The following CCDC13 variants were observed in gnomAD, a reference collection of about 807,000 sequenced individuals.
CCDC13 encodes the protein coiled-coil domain containing 13, also known as coiled-coil domain-containing protein 13.
Under a neutral mutation model 87.3 loss-of-function variants are expected in CCDC13, and 70 were observed. That is an observed-to-expected ratio of 0.80 (90% CI 0.66 to 0.98). CCDC13 has a LOEUF of 0.98. Ranked by LOEUF, CCDC13 falls within the 50% of genes least tolerant of loss-of-function variation. CCDC13 has a pLI of 0.00. For missense variants in CCDC13, 842 were observed against 892.0 expected (o/e 0.94, Z 0.71); for synonymous variants, 317 against 360.3 (o/e 0.88, Z 1.36).
intron 13 of CCDC13, among the ~76,000 whole-genome samples, chr3:42,718,806 C>A (rs1024116494): frequency 2.0e-5 from 3 of 151,950 alleles, no homozygotes. Context: ...GAGGAGAACC[C>A]CCCAACCCAA....
intron 13 of CCDC13, among the ~76,000 whole-genome samples, chr3:42,718,597 C>T (rs1344166529): frequency 6.6e-6 from 1 of 152,148 alleles, no homozygotes; most frequent in African/African-American, 2.4e-5. Flanking sequence ...TAACATCTTT[C>T]TGGTGGCCAC....
chr3:42,708,866 T>G lies in CCDC13; in HGVS notation c.*114A>C. On this transcript the variant is annotated 3_prime_UTR_variant, in exon 16 of 16. Transcript: ENST00000310232. ...AAGGAGCCTCTTCTGGTAGAAGTGG[T>G]TGAGCTGGCTGCCCTGGGCTGGCTT... is the stretch of plus-strand genomic sequence containing the variant. 2 of 1,118,604 alleles carry G rather than the reference T, an allele frequency of 1.8e-6. No homozygotes were observed. The highest frequency in any genetic ancestry group is 2.5e-6 in the Non-Finnish European group (2 of 804,634). 69.3% of individuals were successfully genotyped at this position (1,118,604 alleles called of 1,614,324 possible). A position where few individuals can be genotyped will look rare whatever the true frequency, so the allele number is the denominator to read the frequency against.
chr3:42,718,698 G>A (rs556658484), intron 13 of CCDC13, among the ~76,000 whole-genome samples: 2 of 152,232 alleles, frequency 1.3e-5, no homozygotes, highest in African/African-American at 2.4e-5. Context: ...GACCACGGAA[G>A]CGACTATAGT....
chr3:42,709,747 T>C lies in CCDC13; in HGVS notation c.1925A>G (p.Asp642Gly), dbSNP rs1698259357. 6.2e-7 allele frequency: 1 copy of C among 1,614,112 alleles called. No individual in the cohort carries two copies. The highest frequency in any genetic ancestry group is 8.5e-7 in the Non-Finnish European group (1 of 1,179,998). The change falls in exon 15 of 16, where the codon GAC becomes GGC. Residue 642 changes from aspartate to glycine, a missense_variant. Coordinates refer to ENST00000310232, the MANE Select transcript of CCDC13 (RefSeq NM_144719.4). The stretch of plus-strand genomic sequence containing the variant: ...ATCGGAGAGCTGGGCAAAGGATGGG[T>C]CCTTCTTCTCGCTCCCGGTTGGGTT... Reference protein sequence around the residue: ...RHNPTGSEKKDPSFAQLSDVP... With the variant: ...RHNPTGSEKKGPSFAQLSDVP...
At chr3:42,717,401 C>T (rs556227682) in intron 13 of CCDC13, among the ~76,000 whole-genome samples, 3 of 140,302 alleles carry the variant, frequency 2.1e-5, no homozygotes, top group East Asian at 4.2e-4. Context: ...ACTCAAGACT[C>T]GGCAACAAGC....
At chr3:42,767,595 T>G (rs1205273995) in intron 1 of CCDC13, among the ~76,000 whole-genome samples, 1 of 152,162 alleles carries the variant, frequency 6.6e-6, no homozygotes, top group Non-Finnish European at 1.5e-5. Flanking sequence ...ATTCCAAAGT[T>G]TATGTGGAGA....
At chr3:42,766,418 G>A (rs552775593) in intron 1 of CCDC13, among the ~76,000 whole-genome samples, 20 of 152,120 alleles carry the variant, frequency 1.3e-4, no homozygotes, top group South Asian at 1.0e-3. Context: ...ACAGCCTGAC[G>A]GGTTCATCTT....
At chr3:42,723,870 A>G (rs184927743) in intron 13 of CCDC13, among the ~76,000 whole-genome samples, 20 of 152,360 alleles carry the variant, frequency 1.3e-4, no homozygotes, top group Admixed American at 1.2e-3. Context: ...CCATAAAAGG[A>G]AAACGTACTG....
At chr3:42,730,426 A>C (rs748337433) in intron 13 of CCDC13, 41 bp downstream of exon 13, 7 of 1,598,944 alleles carry the variant, frequency 4.4e-6, no homozygotes, top group Non-Finnish European at 4.3e-6. Flanking sequence ...TCCCCACCAC[A>C]TGCAGGCCTA....
chr3:42,751,470 TA>T (rs1241294636), intron 5 of CCDC13, among the ~76,000 whole-genome samples: 3 of 152,194 alleles, frequency 2.0e-5, no homozygotes, highest in Admixed American at 1.3e-4. Context: ...AAAGTGTTCA[TA>T]ATATGAACTG....
At position 42,735,845 on chromosome 3, in the gene CCDC13, G is replaced by A. The variant is rs780999456; in HGVS notation, c.1233C>T (p.Ser411=). ...TCAGTTGCTGGTCCAGGTGGTGCTG[G>A]GACACTCGCGTTTTCTCCTCCTGCA... ...LSLQEEKTRV[S]QHHLDQQLNS... The change falls in exon 10 of 16, where the codon TCC becomes TCT. Residue 411 remains serine (S), a synonymous_variant. Transcript: ENST00000310232. 1 of 1,614,208 alleles carries A rather than the reference G, an allele frequency of 6.2e-7. No individual in the cohort carries two copies. The highest frequency in any genetic ancestry group is 8.5e-7 in the Non-Finnish European group (1 of 1,180,038).
At chr3:42,720,573 G>A (rs921579540) in intron 13 of CCDC13, among the ~76,000 whole-genome samples, 2 of 152,216 alleles carry the variant, frequency 1.3e-5, no homozygotes, top group Admixed American at 6.5e-5. Flanking sequence ...TTTTACATGC[G>A]AGGTGTGTAA....
chr3:42,772,307 TA>T (rs1700143078), intron 1 of CCDC13, among the ~76,000 whole-genome samples: 1 of 74,168 alleles, frequency 1.3e-5, no homozygotes, highest in African/African-American at 4.7e-5. Flanking sequence ...ATAAAAAAAA[TA>T]AAGTAAAGGC....
intron 13 of CCDC13, among the ~76,000 whole-genome samples, chr3:42,730,210 G>A (rs187833999): frequency 1.5e-4 from 23 of 152,186 alleles, no homozygotes; most frequent in African/African-American, 5.1e-4. Flanking sequence ...TCTCTCCCCC[G>A]AGACTCCCAG....
Position 42,732,943 on chromosome 3 carries a change from C to T in CCDC13, c.1539G>A (p.Leu513=), listed in dbSNP as rs1237189062. The change falls in exon 12 of 16, where the codon CTG becomes CTA. Residue 513 remains leucine, a synonymous_variant. Transcript: ENST00000310232. The part of the protein sequence containing the change: ...SRSVTSLGHT[L]VESALTRPSL... ...AAGGCCTCGTGAGAGCAGATTCCAC[C>T]AGTGTGTGGCCCAGGCTGGTCACAG... The T allele has an allele frequency of 2.6e-6, 4 of 1,553,716 alleles. No homozygotes were observed. Among genetic ancestry groups the T allele is most frequent in the East Asian group, 2.4e-5 (1 of 41,132 alleles).
intron 5 of CCDC13, 102 bp downstream of exon 5, chr3:42,751,833 TG>T: frequency 2.0e-6 from 2 of 1,011,362 alleles, no homozygotes; most frequent in Non-Finnish European, 3.0e-6. Context: ...GGTTGGGGGT[TG>T]GGGGTGGACC....
intron 1 of CCDC13, among the ~76,000 whole-genome samples, chr3:42,769,826 C>T (rs1700019078): frequency 6.6e-6 from 1 of 152,232 alleles, no homozygotes; most frequent in Non-Finnish European, 1.5e-5. Flanking sequence ...GGCCGCAAGC[C>T]CCTGGCAGTG....
At chr3:42,759,311 A>ACC (rs1699779819) in intron 1 of CCDC13, among the ~76,000 whole-genome samples, 2 of 152,050 alleles carry the variant, frequency 1.3e-5, no homozygotes, top group African/African-American at 2.4e-5. Context: ...TGTCTCCAAA[A>ACC]AAAAAAAAAA....
rs558541969 is a variant in CCDC13, at chr3:42,735,852, C to T, written c.1226G>A (p.Arg409Gln). Residue 409 changes from arginine (R) to glutamine (Q), a missense_variant, in exon 10 of 16, where the codon CGA becomes CAA. Physicochemically the swap from Arg to Gln is conservative, Grantham distance 43. Transcript: ENST00000310232. ...CTGGTCCAGGTGGTGCTGGGACACT[C>T]GCGTTTTCTCCTCCTGCAGACTCAG... ...GSLSLQEEKT[R>Q]VSQHHLDQQL... is the part of the protein sequence containing the mutation. 76 of 1,614,248 alleles carry T rather than the reference C, an allele frequency of 4.7e-5. No homozygotes were observed. The highest frequency in any genetic ancestry group is 4.4e-4 in the South Asian group (40 of 91,086).
Sources: allele counts gnomAD v4.1 joint callset (sites outside exome capture counted in the v4.1 genomes callset), GRCh38; gene constraint gnomAD v4.1.1; transcripts MANE v1.5; gene names NCBI Gene and HGNC (gene_info 2026-07-23, HGNC 2026-07-21).